The following ART3 variants were observed in gnomAD, a reference collection of about 807,000 sequenced individuals.
The protein encoded by ART3 is ADP-ribosyltransferase 3 (inactive).
Under a neutral mutation model 48.5 loss-of-function variants are expected in ART3, and 49 were observed. The observed-to-expected ratio is 1.01, with a 90% CI of 0.80 to 1.28. The LOEUF (loss-of-function observed/expected upper bound fraction) is 1.28, where lower values mean the gene tolerates loss of function less well. Among genes scored for constraint, ART3 ranks in the 50% most tolerant of loss-of-function variants. The pLI is 0.00. For synonymous variants in ART3, 145 were observed against 157.2 expected (o/e 0.92, Z 0.58); for missense variants, 438 against 454.3 (o/e 0.96, Z 0.33).
At chr4:76,035,195 T>G (rs1560586117) in intron 1 of ART3, 1 of 1,613,950 alleles carries the variant, frequency 6.2e-7, no homozygotes, top group African/African-American at 1.3e-5. Context: ...CATTGTCATC[T>G]TCAGCAAGTT....
At chr4:76,013,223 G>A (rs936111497) in intron 1 of ART3, among the ~76,000 whole-genome samples, 2 of 152,170 alleles carry the variant, frequency 1.3e-5, no homozygotes, top group South Asian at 2.1e-4. Flanking sequence ...GAAGTTGGGG[G>A]AATATTCTAA....
intron 1 of ART3, among the ~76,000 whole-genome samples, chr4:76,039,604 CACTT>C (rs1050700012): frequency 5.3e-5 from 8 of 152,124 alleles, no homozygotes; most frequent in Non-Finnish European, 1.2e-4. Flanking sequence ...TCATAAAAAT[CACTT>C]ACAGAAAGTG....
intron 1 of ART3, among the ~76,000 whole-genome samples, chr4:76,039,834 G>C (rs970119483): frequency 6.6e-6 from 1 of 152,074 alleles, no homozygotes; most frequent in African/African-American, 2.4e-5. Context: ...CATAAAACAA[G>C]ACTAAACTCT....
intron 1 of ART3, chr4:76,035,012 A>G: frequency 6.4e-7 from 1 of 1,561,020 alleles, no homozygotes; most frequent in Non-Finnish European, 8.8e-7. Flanking sequence ...CTTGGATAAA[A>G]CAGATTATAA....
intron 1 of ART3, among the ~76,000 whole-genome samples, chr4:76,043,019 G>C (rs75421611): frequency 1.3e-5 from 2 of 151,290 alleles, no homozygotes; most frequent in African/African-American, 4.9e-5. Context: ...ACAGAGTGTC[G>C]ACACAGAGGT....
chr4:76,038,171 C>T (rs1734614321), intron 1 of ART3, among the ~76,000 whole-genome samples: 1 of 152,176 alleles, frequency 6.6e-6, no homozygotes, highest in Non-Finnish European at 1.5e-5. Context: ...TTCACAGCAT[C>T]ACTAGAAGAG....
intron 1 of ART3, among the ~76,000 whole-genome samples, chr4:76,050,037 C>T (rs186748329): frequency 4.8e-5 from 7 of 147,066 alleles, no homozygotes; most frequent in East Asian, 4.0e-4. Context: ...TCGTTCCTCC[C>T]GGTGGGCTTA....
rs7693678 is a variant in ART3, at chr4:76,076,073, C to T, written c.69+115C>T. On this transcript the variant is annotated intron_variant, in intron 2 of 11. Coordinates refer to ENST00000355810, the MANE Select transcript of ART3 (RefSeq NM_001130016.3). ...CTGCTGGAGTGCAGTGGCTCGATTT[C>T]GGCTCACTGCAAGCTCCGCCTCCCA... The T allele has an allele frequency of 1.0e-5, 9 of 863,198 alleles. 1 individual carries two copies. Among genetic ancestry groups the T allele is most frequent in the Non-Finnish European group, 1.1e-5 (6 of 557,256 alleles). The allele number at this position is 863,198 out of a possible 1,614,324, so 53.5% of individuals were successfully genotyped here.
chr4:76,031,631 C>T (rs993324444), intron 1 of ART3, among the ~76,000 whole-genome samples: 35 of 152,202 alleles, frequency 2.3e-4, no homozygotes, highest in African/African-American at 6.3e-4. Flanking sequence ...TCCAACCAAA[C>T]GAATCTAATT....
chr4:76,086,301 AAGAG>A (rs1723563746), intron 3 of ART3, among the ~76,000 whole-genome samples: 1 of 152,216 alleles, frequency 6.6e-6, no homozygotes, highest in Non-Finnish European at 1.5e-5. Context: ...GCCTTAAAAA[AAGAG>A]AGAGATTCTG....
At chr4:76,034,849 G>C (rs367653764) in intron 1 of ART3, 6 of 1,549,272 alleles carry the variant, frequency 3.9e-6, no homozygotes, top group Non-Finnish European at 5.3e-6. Context: ...TTATTTACTT[G>C]GGCTGTTCTT....
chr4:76,023,141 C>T (rs1733032661), intron 1 of ART3, among the ~76,000 whole-genome samples: 1 of 152,176 alleles, frequency 6.6e-6, no homozygotes, highest in East Asian at 1.9e-4. Flanking sequence ...CCTCCCTCTT[C>T]CCCATCTCTT....
chr4:76,073,193 AAT>A (rs1211463221), upstream of ART3, among the ~76,000 whole-genome samples: 1 of 152,238 alleles, frequency 6.6e-6, no homozygotes, highest in Non-Finnish European at 1.5e-5. Context: ...TAAGGACTCA[AAT>A]ATTTGTTCAA....
chr4:76,050,407 C>A (rs1040248003), intron 1 of ART3, among the ~76,000 whole-genome samples: 1 of 152,116 alleles, frequency 6.6e-6, no homozygotes, highest in Non-Finnish European at 1.5e-5. Flanking sequence ...AGGGCCCCAC[C>A]AGAATAGCTA....
At chr4:76,020,940 G>A (rs1330484990) in intron 1 of ART3, among the ~76,000 whole-genome samples, 1 of 152,144 alleles carries the variant, frequency 6.6e-6, no homozygotes, top group South Asian at 2.1e-4. Context: ...CATTAGTTCT[G>A]TAGGATCTTA....
rs778892245 is a variant in ART3, at chr4:76,100,793, A to C, written c.878-2A>C. On this transcript the variant is annotated splice_acceptor_variant, in intron 6 of 11. Transcript: ENST00000355810. LOFTEE classifies it high-confidence loss of function. ...ACTGATGAGCTTCTTTTTGTGACTC[A>C]GGTGAGAAAAACTGGAAGCTTGAAG... is the stretch of plus-strand genomic sequence containing the variant. The C allele has an allele frequency of 3.1e-6, 5 of 1,611,974 alleles. No individual in the cohort carries two copies. Among genetic ancestry groups the C allele is most frequent in the Non-Finnish European group, 2.5e-6 (3 of 1,179,588 alleles).
At chr4:76,052,127 TC>T (rs1736170391) in intron 1 of ART3, among the ~76,000 whole-genome samples, 1 of 152,098 alleles carries the variant, frequency 6.6e-6, no homozygotes, top group African/African-American at 2.4e-5. Flanking sequence ...ACGCCTGTAA[TC>T]CCAGCACTTT....
At chr4:76,022,382 C>G in intron 1 of ART3, 2 of 1,613,700 alleles carry the variant, frequency 1.2e-6, no homozygotes, top group Non-Finnish European at 1.7e-6. Context: ...TTGCTAACTG[C>G]TTTCAGTAAA....
At chr4:76,098,625 G>A (rs1726558107) in intron 4 of ART3, among the ~76,000 whole-genome samples, 1 of 152,122 alleles carries the variant, frequency 6.6e-6, no homozygotes. Flanking sequence ...CAGGTGTGGT[G>A]GCAGGCGCCT....
Sources: gnomAD v4.1 joint callset for allele counts (sites outside exome capture counted in the v4.1 genomes callset) on GRCh38, gnomAD v4.1.1 for gene constraint, MANE v1.5 for transcripts, NCBI Gene and HGNC (gene_info 2026-07-23, HGNC 2026-07-21) for gene names.